KCNH1: variants seen among roughly 807,000 people sequenced by gnomAD.
The protein encoded by KCNH1 is voltage-gated delayed rectifier potassium channel KCNH1.
KCNH1 carries 27 observed loss-of-function variants against 69.2 expected under a neutral mutation model. The ratio of observed to expected loss-of-function variants is 0.39; its 90% CI spans 0.29 to 0.54. The LOEUF (loss-of-function observed/expected upper bound fraction) is 0.54. Ranked by LOEUF, KCNH1 falls within the 20% of genes least tolerant of loss-of-function variation. The probability of loss-of-function intolerance (pLI) is 0.68; values close to 1 mark genes in which losing one functional copy is unlikely to be tolerated. For missense variants in KCNH1, 798 were observed against 1,261.6 expected (o/e 0.63, Z 5.57); for synonymous variants, 456 against 487.7 (o/e 0.93, Z 0.86).
rs1474334089 is a variant in KCNH1, at chr1:210,700,191, T to G, written c.2113-16053A>C. On this transcript the variant is annotated intron_variant, in intron 10 of 10. Transcript: ENST00000271751. ...GTAATGGTTGCAACAATTATTATAC[T>G]GCTCCAAGGCCACCAGGAATGACAA... Among the ~76,000 whole-genome samples the G allele has an allele frequency of 3.3e-5, 5 of 152,242 alleles. No individual in the cohort carries two copies. In the South Asian group the frequency reaches 1.0e-3, roughly 31 times the overall value.
At chr1:210,708,758 G>C (rs1040048647) in intron 10 of KCNH1, among the ~76,000 whole-genome samples, 3 of 152,122 alleles carry the variant, frequency 2.0e-5, no homozygotes, top group African/African-American at 7.2e-5. Context: ...AGTGTCCAAC[G>C]GGTCTTGTTG....
chr1:211,044,585 A>G (rs1287880994), intron 5 of KCNH1, among the ~76,000 whole-genome samples: 1 of 152,232 alleles, frequency 6.6e-6, no homozygotes, highest in Non-Finnish European at 1.5e-5. Flanking sequence ...TAATCCCATC[A>G]AAAAGTGGGC....
intron 1 of KCNH1, among the ~76,000 whole-genome samples, chr1:211,127,716 G>A (rs2066023): frequency 0.37 from 55,643 of 152,040 alleles, 10,547 homozygotes; most frequent in Middle Eastern, 0.42. Flanking sequence ...AATACCAAAT[G>A]CTGGCAAGGA....
intron 7 of KCNH1, among the ~76,000 whole-genome samples, chr1:210,885,703 T>C (rs1365830418): frequency 1.3e-5 from 2 of 151,994 alleles, no homozygotes; most frequent in African/African-American, 4.8e-5. Flanking sequence ...TTGAGCTTGG[T>C]AGGGGGAGAG....
chr1:211,049,426 C>T (rs1270206916), intron 5 of KCNH1, among the ~76,000 whole-genome samples: 2 of 152,074 alleles, frequency 1.3e-5, no homozygotes, highest in African/African-American at 4.8e-5. Flanking sequence ...TAAAGGAAGG[C>T]AGTACAAGAG....
At chr1:210,973,924 C>A (rs560476980) in intron 6 of KCNH1, among the ~76,000 whole-genome samples, 44 of 152,044 alleles carry the variant, frequency 2.9e-4, no homozygotes, top group Middle Eastern at 6.8e-3. Flanking sequence ...AAGATAGGTT[C>A]AACATTTTAC....
intron 6 of KCNH1, among the ~76,000 whole-genome samples, chr1:210,957,987 T>C (rs1688211825): frequency 6.6e-6 from 1 of 152,244 alleles, no homozygotes; most frequent in African/African-American, 2.4e-5. Context: ...GCTCATTAAT[T>C]GATGCAGTTT....
At chr1:210,845,576 T>C (rs1463266270) in intron 7 of KCNH1, among the ~76,000 whole-genome samples, 2 of 152,266 alleles carry the variant, frequency 1.3e-5, no homozygotes, top group East Asian at 3.9e-4. Context: ...ATGGGACGTA[T>C]CTCAAAATAA....
intron 10 of KCNH1, among the ~76,000 whole-genome samples, chr1:210,727,848 C>T (rs1274866650): frequency 6.6e-6 from 1 of 152,194 alleles, no homozygotes; most frequent in Non-Finnish European, 1.5e-5. Context: ...CGCTGAAGCA[C>T]ATCTCCTGTC....
intron 7 of KCNH1, among the ~76,000 whole-genome samples, chr1:210,808,023 T>C (rs2102411828): frequency 6.6e-6 from 1 of 152,316 alleles, no homozygotes; most frequent in East Asian, 1.9e-4. Context: ...TCTTCTAAGC[T>C]CATAGATAGC....
chr1:211,054,238 C>T (rs12127815), intron 5 of KCNH1, among the ~76,000 whole-genome samples: 1,827 of 151,694 alleles, frequency 0.012, 42 homozygotes, highest in African/African-American at 0.042. Context: ...GCCAAGATGG[C>T]GTCCCTGCAC....
chr1:210,859,250 T>G, intron 7 of KCNH1: 2 of 1,611,700 alleles, frequency 1.2e-6, no homozygotes, highest in Non-Finnish European at 1.7e-6. Flanking sequence ...GTATCCTCCA[T>G]GCTTCTCAAT....
intron 6 of KCNH1, among the ~76,000 whole-genome samples, chr1:210,959,351 C>G (rs573018611): frequency 6.6e-6 from 1 of 152,286 alleles, no homozygotes; most frequent in African/African-American, 2.4e-5. Flanking sequence ...GGAGGTGTGT[C>G]CCAGTTAGGC....
intron 1 of KCNH1, among the ~76,000 whole-genome samples, chr1:211,111,855 G>A (rs1202495715): frequency 3.0e-5 from 2 of 66,054 alleles, no homozygotes; most frequent in African/African-American, 1.4e-4. Context: ...TACTGTCTGG[G>A]AAGTGAGGAG....
chr1:210,758,459 T>C lies in KCNH1; in HGVS notation c.2112+16889A>G, dbSNP rs191299794. ...GGAACCAGTCTGTGTATGCCACTAC[T>C]GGATGCCCCAGCCTGCTCCCTTGGT... On this transcript the variant is annotated intron_variant, in intron 10 of 10. Transcript: ENST00000271751. 3.9e-5 allele frequency among the ~76,000 whole-genome samples: 6 copies of C among 152,294 alleles called. 1 individual carries two copies. Among genetic ancestry groups the C allele is most frequent in the Admixed American group, 3.9e-4 (6 of 15,306 alleles).
Position 211,116,840 on chromosome 1 carries a change from G to A in KCNH1, c.80-9463C>T, listed in dbSNP as rs1239218549. Reference sequence around the variant, plus strand: ...AGTAACTCATGGTCTAGAAGCCAGGGTATAAGCTTGAGAAGGGAAACAAAT... The same window carrying A: ...AGTAACTCATGGTCTAGAAGCCAGGATATAAGCTTGAGAAGGGAAACAAAT... On this transcript the variant is annotated intron_variant, in intron 1 of 10. Transcript: ENST00000271751. 3.3e-5 allele frequency among the ~76,000 whole-genome samples: 5 copies of A among 152,264 alleles called. No homozygotes were observed. The East Asian group carries it at 9.6e-4, about 29-fold the overall frequency.
intron 4 of KCNH1, among the ~76,000 whole-genome samples, chr1:211,087,405 T>C (rs1690972827): frequency 6.6e-6 from 1 of 152,030 alleles, no homozygotes; most frequent in South Asian, 2.1e-4. Context: ...ATTCTGAGCT[T>C]TACACTCTAA....
intron 5 of KCNH1, among the ~76,000 whole-genome samples, chr1:211,024,618 G>A (rs1183954767): frequency 6.6e-6 from 1 of 152,150 alleles, no homozygotes; most frequent in Non-Finnish European, 1.5e-5. Context: ...TCTGATGCAT[G>A]TTTCTAAAAG....
chr1:211,052,668 A>G (rs1325740505), intron 5 of KCNH1, among the ~76,000 whole-genome samples: 3 of 152,172 alleles, frequency 2.0e-5, no homozygotes, highest in Non-Finnish European at 4.4e-5. Flanking sequence ...AAGGGGTAAC[A>G]TTTTTTGCTC....
Sources: allele counts gnomAD v4.1 joint callset (sites outside exome capture counted in the v4.1 genomes callset), GRCh38; gene constraint gnomAD v4.1.1; transcripts MANE v1.5; gene names NCBI Gene and HGNC (gene_info 2026-07-23, HGNC 2026-07-21).